Variants in GRID2 observed in about 807,000 individuals in gnomAD.
GRID2 encodes the protein glutamate ionotropic receptor delta type subunit 2.
GRID2 carries 33 observed loss-of-function variants against 114.8 expected under a neutral mutation model. That is an observed-to-expected ratio of 0.29 (90% CI 0.22 to 0.38). GRID2 has a LOEUF of 0.38. GRID2 is among the 10% of genes least tolerant of loss of function. The probability of loss-of-function intolerance (pLI) is 1.00; values close to 1 mark genes in which losing one functional copy is unlikely to be tolerated. For missense variants in GRID2, 1,184 were observed against 1,257.7 expected (o/e 0.94, Z 0.89); for synonymous variants, 505 against 449.9 (o/e 1.12, Z -1.55).
intron 2 of GRID2, among the ~76,000 whole-genome samples, chr4:92,863,459 AG>A (rs1188337028): frequency 6.6e-6 from 1 of 152,112 alleles, no homozygotes; most frequent in Non-Finnish European, 1.5e-5. Context: ...GAATGACAAA[AG>A]TGGATATCAA....
At chr4:92,696,092 C>A (rs1038287526) in intron 2 of GRID2, among the ~76,000 whole-genome samples, 1 of 152,048 alleles carries the variant, frequency 6.6e-6, no homozygotes, top group Non-Finnish European at 1.5e-5. Flanking sequence ...GGAAAAAGTA[C>A]ATAAAATTTA....
chr4:93,531,566 C>T (rs1416543913), intron 13 of GRID2, among the ~76,000 whole-genome samples: 11 of 151,892 alleles, frequency 7.2e-5, no homozygotes, highest in Non-Finnish European at 2.9e-5. Flanking sequence ...AGATGAAAGG[C>T]ATGAAGGGAG....
chr4:92,522,607 T>C (rs943146220), intron 1 of GRID2, among the ~76,000 whole-genome samples: 51 of 151,876 alleles, frequency 3.4e-4, no homozygotes, highest in African/African-American at 1.2e-3. Flanking sequence ...ACGCTGCTAG[T>C]AGTGGAAGTG....
At chr4:92,443,495 G>C (rs531178357) in intron 1 of GRID2, among the ~76,000 whole-genome samples, 7 of 151,454 alleles carry the variant, frequency 4.6e-5, no homozygotes, top group African/African-American at 1.5e-4. Context: ...GAGGGAAGGG[G>C]TTTGGGGGTT....
intron 2 of GRID2, among the ~76,000 whole-genome samples, chr4:92,844,315 G>T (rs1034308078): frequency 6.6e-6 from 1 of 151,974 alleles, no homozygotes; most frequent in Non-Finnish European, 1.5e-5. Context: ...AAGACGGGTG[G>T]ATTATTGGAG....
intron 2 of GRID2, among the ~76,000 whole-genome samples, chr4:92,818,999 G>A (rs1011318753): frequency 6.6e-6 from 1 of 151,974 alleles, no homozygotes; most frequent in South Asian, 2.1e-4. Context: ...CATTCTCACT[G>A]TATATACCTG....
In GRID2 at chr4:93,216,734, A is replaced by T. The variant is rs766339830; in HGVS notation, c.790-4A>T. ...CTCTAATTCTTCCACCTCTTATCTT[A>T]TAGGAAATAAACGATGTGGACGTAC... On this transcript the variant is annotated splice_polypyrimidine_tract_variant and splice_region_variant and intron_variant, in intron 5 of 15. Transcript: ENST00000282020. 6 of 1,590,768 alleles carry T rather than the reference A, an allele frequency of 3.8e-6. No homozygotes were observed. The highest frequency in any genetic ancestry group is 5.2e-6 in the Non-Finnish European group (6 of 1,159,556).
intron 14 of GRID2, among the ~76,000 whole-genome samples, chr4:93,677,559 G>T (rs1392629180): frequency 6.6e-6 from 1 of 152,106 alleles, no homozygotes; most frequent in Non-Finnish European, 1.5e-5. Flanking sequence ...ACCTCGCACG[G>T]CCGGGCACTC....
At chr4:92,354,939 C>A (rs915577618) in intron 1 of GRID2, among the ~76,000 whole-genome samples, 1 of 151,830 alleles carries the variant, frequency 6.6e-6, no homozygotes, top group Non-Finnish European at 1.5e-5. Flanking sequence ...AGTTCTTCTG[C>A]GCAAAGTTTA....
chr4:93,561,420 A>G (rs1278315422), intron 13 of GRID2, among the ~76,000 whole-genome samples: 1 of 152,112 alleles, frequency 6.6e-6, no homozygotes, highest in East Asian at 1.9e-4. Context: ...AATTGAAAGG[A>G]AGGTATAGAG....
At chr4:93,335,709 G>GTTTTTTT (rs1759002833) in intron 8 of GRID2, among the ~76,000 whole-genome samples, 1 of 91,258 alleles carries the variant, frequency 1.1e-5, no homozygotes. Flanking sequence ...TTTTTTTTGA[G>GTTTTTTT]ACAGGGTCTC....
chr4:93,059,222 G>A (rs62308172), intron 2 of GRID2, among the ~76,000 whole-genome samples: 10,881 of 152,148 alleles, frequency 0.072, 563 homozygotes, highest in African/African-American at 0.15. Flanking sequence ...AGTATAAAAT[G>A]TTAATATTCC....
intron 4 of GRID2, among the ~76,000 whole-genome samples, chr4:93,202,346 C>G (rs982808440): frequency 6.6e-6 from 1 of 152,056 alleles, no homozygotes; most frequent in Non-Finnish European, 1.5e-5. Context: ...TGAGCCCAAA[C>G]AACTATAATA....
intron 1 of GRID2, among the ~76,000 whole-genome samples, chr4:92,369,357 C>A (rs948062407): frequency 6.6e-6 from 1 of 152,046 alleles, no homozygotes; most frequent in African/African-American, 2.4e-5. Flanking sequence ...AGAAAGGTGA[C>A]TTATCTGAGA....
At chr4:93,713,668 T>A (rs1349231345) in intron 14 of GRID2, among the ~76,000 whole-genome samples, 1 of 152,120 alleles carries the variant, frequency 6.6e-6, no homozygotes, top group Non-Finnish European at 1.5e-5. Context: ...GGTGCTTTTT[T>A]AGATAGGGTT....
intron 2 of GRID2, among the ~76,000 whole-genome samples, chr4:92,975,828 G>C (rs79801055): frequency 0.016 from 2,396 of 152,096 alleles, 28 homozygotes; most frequent in Non-Finnish European, 0.025. Flanking sequence ...ATGAAACATG[G>C]AGTGTTTTGA....
chr4:92,872,505 A>G (rs1245561859), intron 2 of GRID2, among the ~76,000 whole-genome samples: 1 of 152,148 alleles, frequency 6.6e-6, no homozygotes, highest in Non-Finnish European at 1.5e-5. Flanking sequence ...GAATTAAATG[A>G]TGGAAATTGA....
intron 2 of GRID2, among the ~76,000 whole-genome samples, chr4:92,731,751 G>A (rs1736338007): frequency 6.6e-6 from 1 of 151,838 alleles, no homozygotes. Flanking sequence ...CTTGTAAAAA[G>A]CATGTCAATA....
chr4:93,319,622 G>T (rs1286372673), intron 8 of GRID2: 1 of 152,010 alleles, frequency 6.6e-6, no homozygotes, highest in Admixed American at 6.6e-5. Context: ...TAAAAGCAGA[G>T]AATTTTCTCT....
Sources: gnomAD v4.1 joint callset for allele counts (sites outside exome capture counted in the v4.1 genomes callset) on GRCh38, gnomAD v4.1.1 for gene constraint, MANE v1.5 for transcripts, NCBI Gene and HGNC (gene_info 2026-07-23, HGNC 2026-07-21) for gene names.